The following CSMD1 variants were observed in gnomAD, a reference collection of about 807,000 sequenced individuals.
CSMD1 encodes CUB and sushi domain-containing protein 1.
A neutral mutation model predicts 417.5 loss-of-function variants in CSMD1; 213 were observed. That is an observed-to-expected ratio of 0.51 (90% CI 0.46 to 0.57). The LOEUF (loss-of-function observed/expected upper bound fraction) is 0.57. Ranked by LOEUF, CSMD1 falls within the 20% of genes least tolerant of loss-of-function variation. CSMD1 has a pLI of 0.00. For missense variants in CSMD1, 6,923 were observed against 4,529.7 expected (o/e 1.53, Z -15.17); for synonymous variants, 2,862 against 1,736.8 (o/e 1.65, Z -16.11).
intron 2 of CSMD1, among the ~76,000 whole-genome samples, chr8:4,434,659 C>G (rs773628163): frequency 6.6e-6 from 1 of 152,154 alleles, no homozygotes; most frequent in Admixed American, 6.6e-5. Context: ...ATATCACAAA[C>G]CCGATTTACT....
At chr8:3,252,451 G>A (rs1175330243) in intron 26 of CSMD1, among the ~76,000 whole-genome samples, 1 of 152,024 alleles carries the variant, frequency 6.6e-6, no homozygotes, top group Non-Finnish European at 1.5e-5. Context: ...ATATATTGTT[G>A]GATTCACTTT....
intron 10 of CSMD1, among the ~76,000 whole-genome samples, chr8:3,550,829 G>A (rs1798877982): frequency 1.3e-5 from 2 of 152,188 alleles, no homozygotes; most frequent in African/African-American, 2.4e-5. Context: ...GGATGGAAGA[G>A]TAAATATATG....
intron 5 of CSMD1, among the ~76,000 whole-genome samples, chr8:3,760,499 C>A (rs1237633474): frequency 2.0e-5 from 3 of 152,148 alleles, no homozygotes; most frequent in Admixed American, 2.0e-4. Context: ...ATAACATACT[C>A]CTACTCATTC....
intron 6 of CSMD1, among the ~76,000 whole-genome samples, chr8:3,728,813 T>A (rs1028743656): frequency 6.6e-6 from 1 of 152,236 alleles, no homozygotes; most frequent in Non-Finnish European, 1.5e-5. Context: ...TGACTGATAA[T>A]GCCCCCTTAA....
At position 3,308,342 on chromosome 8, in the gene CSMD1, C is replaced by T. The variant is rs759214971; in HGVS notation, c.3793G>A (p.Val1265Met). 2 of 1,612,966 alleles carry T rather than the reference C, an allele frequency of 1.2e-6. No homozygotes were observed. Among genetic ancestry groups the T allele is most frequent in the East Asian group, 2.2e-5 (1 of 44,812 alleles). ...CACGAAGGTAGTGGTTTGTCCCACACTCTCCTGTCTCCACTCAAACAGGTC... is the reference window on the plus strand; with the variant it reads ...CACGAAGGTAGTGGTTTGTCCCACATTCTCCTGTCTCCACTCAAACAGGTC... Reference protein sequence around the residue: ...TLTCLSGDRRVWDKPLPSCIA... With the variant: ...TLTCLSGDRRMWDKPLPSCIA... The change falls in exon 24 of 70, where the codon GTG (valine) becomes ATG (methionine). Residue 1265 changes from valine to methionine, a missense_variant. Coordinates refer to ENST00000635120, the MANE Select transcript of CSMD1 (RefSeq NM_033225.6).
chr8:2,963,371 G>C lies in CSMD1; in HGVS notation c.9305C>G (p.Pro3102Arg), dbSNP rs984147998. 1 of 1,613,754 alleles carries C rather than the reference G, an allele frequency of 6.2e-7. No individual in the cohort carries two copies. The highest frequency in any genetic ancestry group is 8.5e-7 in the Non-Finnish European group (1 of 1,179,836). Residue 3102 changes from proline to arginine, a missense_variant, in exon 60 of 70, where the codon CCG becomes CGG. Coordinates refer to ENST00000635120, the MANE Select transcript of CSMD1 (RefSeq NM_033225.6). ...CKAVLCPQPP[P>R]VQNGTVEGSD... ...TCCCTCCACTGTTCCATTCTGCACC[G>C]GCGGCGGCTGAGGACACAGCACGGC...
At chr8:4,727,516 A>G (rs1469038427) in intron 1 of CSMD1, among the ~76,000 whole-genome samples, 1 of 152,154 alleles carries the variant, frequency 6.6e-6, no homozygotes, top group Admixed American at 6.5e-5. Context: ...AAGTGAAATA[A>G]TGCCTTCTGG....
intron 3 of CSMD1, among the ~76,000 whole-genome samples, chr8:4,327,286 T>C (rs937417112): frequency 6.6e-6 from 1 of 151,850 alleles, no homozygotes; most frequent in African/African-American, 2.4e-5. Flanking sequence ...TTTAAGTATC[T>C]CTTTTACATT....
intron 3 of CSMD1, among the ~76,000 whole-genome samples, chr8:4,143,942 G>A (rs1411849394): frequency 2.0e-5 from 3 of 151,292 alleles, no homozygotes; most frequent in Non-Finnish European, 4.4e-5. Flanking sequence ...CAGATGAAGG[G>A]ATGGCCAGTG....
At chr8:3,251,401 C>G (rs1427132505) in intron 26 of CSMD1, among the ~76,000 whole-genome samples, 1 of 152,088 alleles carries the variant, frequency 6.6e-6, no homozygotes, top group Admixed American at 6.5e-5. Context: ...TCTGAGGGCT[C>G]TGTTCTGTTG....
At chr8:3,881,853 G>A (rs573112706) in intron 5 of CSMD1, among the ~76,000 whole-genome samples, 2 of 152,016 alleles carry the variant, frequency 1.3e-5, no homozygotes, top group South Asian at 2.1e-4. Context: ...AGGGCAAGGG[G>A]AAAAGGATTG....
chr8:3,861,226 G>A (rs555541471), intron 5 of CSMD1, among the ~76,000 whole-genome samples: 35 of 152,270 alleles, frequency 2.3e-4, no homozygotes, highest in African/African-American at 5.8e-4. Context: ...GATTGCAGTC[G>A]CCTGTGGGTT....
chr8:4,268,048 G>GT lies in CSMD1; in HGVS notation c.415+151904dup, dbSNP rs368856135. ...ATACGAGGTCATTCTTGAAAAGTGT[G>GT]TTCACAATTTCAAAATCCTCGCAAT... On this transcript the variant is annotated intron_variant, in intron 3 of 69. Coordinates refer to ENST00000635120, the MANE Select transcript of CSMD1 (RefSeq NM_033225.6). 1.7e-3 allele frequency among the ~76,000 whole-genome samples: 254 copies of GT among 152,118 alleles called. 1 individual carries two copies. The highest frequency in any genetic ancestry group is 5.8e-3 in the African/African-American group (241 of 41,510).
chr8:4,680,089 T>A (rs1805943846), intron 1 of CSMD1, among the ~76,000 whole-genome samples: 2 of 152,172 alleles, frequency 1.3e-5, no homozygotes, highest in Non-Finnish European at 2.9e-5. Flanking sequence ...TTTAAATATA[T>A]TTCACAAATC....
chr8:4,180,241 G>A (rs1024121463), intron 3 of CSMD1, among the ~76,000 whole-genome samples: 4 of 151,968 alleles, frequency 2.6e-5, no homozygotes, highest in African/African-American at 9.7e-5. Flanking sequence ...GGTATACTAT[G>A]CAGCAATAAA....
At chr8:3,788,326 T>C (rs1799556254) in intron 5 of CSMD1, among the ~76,000 whole-genome samples, 1 of 152,174 alleles carries the variant, frequency 6.6e-6, no homozygotes, top group Non-Finnish European at 1.5e-5. Context: ...AATTAAGGGA[T>C]GGGCTTTAGG....
chr8:4,736,874 G>T (rs1309875630), intron 1 of CSMD1, among the ~76,000 whole-genome samples: 1 of 152,136 alleles, frequency 6.6e-6, no homozygotes, highest in South Asian at 2.1e-4. Context: ...GAGCTGGTAT[G>T]TAAGCGTTCA....
At chr8:4,211,161 G>C (rs994772971) in intron 3 of CSMD1, among the ~76,000 whole-genome samples, 20 of 151,320 alleles carry the variant, frequency 1.3e-4, no homozygotes, top group Non-Finnish European at 2.7e-4. Flanking sequence ...AATTTATCCA[G>C]GAAAAACATC....
At chr8:3,435,533 C>T (rs1378027346) in intron 12 of CSMD1, among the ~76,000 whole-genome samples, 4 of 152,114 alleles carry the variant, frequency 2.6e-5, no homozygotes, top group Non-Finnish European at 4.4e-5. Flanking sequence ...CCACTCTGTC[C>T]ACCTCTCCGC....
Sources: allele counts gnomAD v4.1 joint callset (sites outside exome capture counted in the v4.1 genomes callset), GRCh38; gene constraint gnomAD v4.1.1; transcripts MANE v1.5; gene names NCBI Gene and HGNC (gene_info 2026-07-23, HGNC 2026-07-21).